Variants in RNF111 observed in about 807,000 individuals in gnomAD.
RNF111 encodes E3 ubiquitin-protein ligase Arkadia.
RNF111 carries 17 observed loss-of-function variants against 95.1 expected under a neutral mutation model. The observed-to-expected ratio is 0.18, with a 90% CI of 0.12 to 0.27. The LOEUF (loss-of-function observed/expected upper bound fraction) is 0.27. Among genes scored for constraint, RNF111 ranks in the 10% least tolerant of loss-of-function variants. The probability of loss-of-function intolerance (pLI) is 1.00; values close to 1 mark genes in which losing one functional copy is unlikely to be tolerated. For missense variants in RNF111, 1,189 were observed against 1,210.4 expected (o/e 0.98, Z 0.26); for synonymous variants, 440 against 414.8 (o/e 1.06, Z -0.74).
At chr15:59,019,765 C>G (rs563686467) in intron 1 of RNF111, among the ~76,000 whole-genome samples, 20 of 152,220 alleles carry the variant, frequency 1.3e-4, no homozygotes, top group African/African-American at 4.6e-4. Flanking sequence ...TCGAGACCGG[C>G]CTGGCCAACG....
At chr15:59,052,204 T>C in intron 2 of RNF111, 101 bp from the exon 3 acceptor site, 1 of 1,060,136 alleles carries the variant, frequency 9.4e-7, no homozygotes, top group South Asian at 2.4e-5. Context: ...ATTTTTATTT[T>C]TGCAATGAAT....
At chr15:59,035,295 A>T (rs1391206643) in intron 2 of RNF111, among the ~76,000 whole-genome samples, 2 of 152,122 alleles carry the variant, frequency 1.3e-5, no homozygotes, top group Admixed American at 1.3e-4. Context: ...TCCAAATCCC[A>T]TGTCCTCATA....
chr15:59,088,096 A>G (rs1373603615), intron 10 of RNF111, among the ~76,000 whole-genome samples: 1 of 152,204 alleles, frequency 6.6e-6, no homozygotes, highest in African/African-American at 2.4e-5. Context: ...TTAGGTTTGG[A>G]AAAACTTAAG....
chr15:59,000,384 A>T (rs553965112), intron 1 of RNF111, among the ~76,000 whole-genome samples: 7 of 151,764 alleles, frequency 4.6e-5, no homozygotes, highest in Non-Finnish European at 8.8e-5. Flanking sequence ...GCTGATCTCA[A>T]ACTGCTAGGC....
At chr15:59,063,401 T>A (rs1188810203) in intron 5 of RNF111, among the ~76,000 whole-genome samples, 1 of 152,188 alleles carries the variant, frequency 6.6e-6, no homozygotes, top group African/African-American at 2.4e-5. Flanking sequence ...CTCTCGATAA[T>A]CCTGCTAGAG....
At chr15:59,018,967 A>C (rs1220745258) in intron 1 of RNF111, among the ~76,000 whole-genome samples, 1 of 151,910 alleles carries the variant, frequency 6.6e-6, no homozygotes, top group Non-Finnish European at 1.5e-5. Context: ...TCTGTCGCCC[A>C]GGTTGGAGTG....
At chr15:59,085,021 C>G (rs1175018472) in intron 9 of RNF111, among the ~76,000 whole-genome samples, 2 of 152,168 alleles carry the variant, frequency 1.3e-5, no homozygotes, top group East Asian at 3.8e-4. Flanking sequence ...CTGCCTTCTC[C>G]TAGACTTGTG....
chr15:59,043,860 A>G (rs569941645), intron 2 of RNF111, among the ~76,000 whole-genome samples: 1 of 152,334 alleles, frequency 6.6e-6, no homozygotes, highest in South Asian at 2.1e-4. Flanking sequence ...CCATGGTGTC[A>G]TTTATGAAAA....
intron 1 of RNF111, among the ~76,000 whole-genome samples, chr15:59,025,814 G>T (rs8025246): frequency 0.44 from 66,826 of 151,442 alleles, 15,755 homozygotes; most frequent in African/African-American, 0.62. Flanking sequence ...CACCGCAACC[G>T]CTGCCTTGCG....
chr15:58,990,263 T>TA (rs1362159614), intron 1 of RNF111, among the ~76,000 whole-genome samples: 13 of 152,274 alleles, frequency 8.5e-5, no homozygotes, highest in Admixed American at 2.0e-4. Context: ...TCTAGTTAGG[T>TA]TTTTGGTATT....
intron 8 of RNF111, among the ~76,000 whole-genome samples, chr15:59,083,466 AG>A (rs2078806908): frequency 6.6e-6 from 1 of 151,700 alleles, no homozygotes; most frequent in Non-Finnish European, 1.5e-5. Flanking sequence ...TGAATCTGGG[AG>A]GCAGAGGTTG....
At chr15:59,048,582 C>T (rs1404692912) in intron 2 of RNF111, among the ~76,000 whole-genome samples, 2 of 152,042 alleles carry the variant, frequency 1.3e-5, no homozygotes, top group African/African-American at 4.8e-5. Flanking sequence ...CACTTAAAAT[C>T]GGTGAATTTT....
At chr15:59,046,273 A>G (rs1423191969) in intron 2 of RNF111, among the ~76,000 whole-genome samples, 2 of 151,174 alleles carry the variant, frequency 1.3e-5, no homozygotes, top group Non-Finnish European at 2.9e-5. Context: ...GGGTCCCTGC[A>G]GCCTCAGCCT....
intron 5 of RNF111, among the ~76,000 whole-genome samples, chr15:59,065,808 TAA>T: frequency 6.6e-6 from 1 of 152,044 alleles, no homozygotes; most frequent in African/African-American, 2.4e-5. Context: ...GGAAGGAGCT[TAA>T]GACCAGCCTG....
intron 1 of RNF111, among the ~76,000 whole-genome samples, chr15:58,990,413 A>G (rs2038759403): frequency 6.6e-6 from 1 of 152,192 alleles, no homozygotes; most frequent in Non-Finnish European, 1.5e-5. Flanking sequence ...TAATCCCAGC[A>G]CTTTGGGAGG....
intron 5 of RNF111, among the ~76,000 whole-genome samples, chr15:59,063,068 A>G (rs1192593387): frequency 6.6e-6 from 1 of 152,266 alleles, no homozygotes; most frequent in African/African-American, 2.4e-5. Context: ...TGTATCCTAA[A>G]TTGTCTCCAT....
chr15:59,067,438 C>T (rs1403068696), intron 6 of RNF111, among the ~76,000 whole-genome samples: 3 of 152,046 alleles, frequency 2.0e-5, no homozygotes, highest in Admixed American at 2.0e-4. Flanking sequence ...AACCAACCCA[C>T]CTTTCTTTTT....
At chr15:59,020,074 A>G (rs1226481586) in intron 1 of RNF111, among the ~76,000 whole-genome samples, 1 of 149,570 alleles carries the variant, frequency 6.7e-6, no homozygotes. Flanking sequence ...TATATCATAT[A>G]ATTTTATATT....
At position 59,096,333 on chromosome 15, in the gene RNF111, A is replaced by C. The variant is rs1159332400; in HGVS notation, c.*1433A>C. The C allele has an allele frequency of 2.9e-5, 10 of 348,138 alleles. No individual in the cohort carries two copies. Among genetic ancestry groups the C allele is most frequent in the African/African-American group, 2.1e-4 (10 of 47,610 alleles). 21.6% of individuals were successfully genotyped at this position (348,138 alleles called of 1,614,324 possible). On this transcript the variant is annotated 3_prime_UTR_variant, in exon 14 of 14. Coordinates refer to ENST00000348370, the MANE Select transcript of RNF111 (RefSeq NM_017610.8). ...ATATCACTGTCTGTATGTGGAGGAC[A>C]TGTTCCCATGGATCATATGTGAAGA...
Sources: gnomAD v4.1 joint callset for allele counts (sites outside exome capture counted in the v4.1 genomes callset) on GRCh38, gnomAD v4.1.1 for gene constraint, MANE v1.5 for transcripts, NCBI Gene and HGNC (gene_info 2026-07-23, HGNC 2026-07-21) for gene names.